GRK7: variants seen among roughly 807,000 people sequenced by gnomAD.
GRK7 encodes the protein G protein-coupled receptor kinase 7.
In GRK7, 24 loss-of-function variants were observed where a neutral mutation model predicts 34.1. The observed-to-expected ratio is 0.70, with a 90% CI of 0.51 to 0.99. GRK7 has a LOEUF of 0.99. Ranked by LOEUF, GRK7 falls within the 50% of genes least tolerant of loss-of-function variation. The probability of loss-of-function intolerance (pLI) is 0.00; values close to 1 mark genes in which losing one functional copy is unlikely to be tolerated. For synonymous variants in GRK7, 256 were observed against 279.4 expected (o/e 0.92, Z 0.84); for missense variants, 644 against 707.3 (o/e 0.91, Z 1.02).
upstream of GRK7, among the ~76,000 whole-genome samples, chr3:141,763,030 A>G (rs961138748): frequency 2.6e-5 from 4 of 152,072 alleles, no homozygotes; most frequent in African/African-American, 9.7e-5. Context: ...ACTGTCTGGC[A>G]CTCCCTAGTG....
rs1164869228 is a variant in GRK7, at chr3:141,765,283, G to A, written c.-670G>A. Among the ~76,000 whole-genome samples, 2 of 152,132 alleles carry A rather than the reference G, an allele frequency of 1.3e-5. No individual in the cohort carries two copies. The highest frequency in any genetic ancestry group is 1.3e-4 in the Admixed American group (2 of 15,274). ...GTGCTCTACCCTCAGGCAGTCACATGGCTCACGCCCTTACCTTCAGGAGGT... is the reference window on the plus strand; with the variant it reads ...GTGCTCTACCCTCAGGCAGTCACATAGCTCACGCCCTTACCTTCAGGAGGT... On this transcript the variant is annotated 5_prime_UTR_variant, in exon 1 of 6. An upstream start codon of the reference 5' UTR is lost. Transcript: ENST00000682958.
In GRK7 at chr3:141,816,881, A is replaced by C; in HGVS notation, c.1493A>C (p.Asp498Ala). 1 of 1,614,126 alleles carries C rather than the reference A, an allele frequency of 6.2e-7. No individual in the cohort carries two copies. Among genetic ancestry groups the C allele is most frequent in the Non-Finnish European group, 8.5e-7 (1 of 1,180,024 alleles). ...TCTGAGGTTCGGGGGGTGGAATTTGATGACAAAGATAAGCAGTTCTTCAAA... is the reference window on the plus strand; with the variant it reads ...TCTGAGGTTCGGGGGGTGGAATTTGCTGACAAAGATAAGCAGTTCTTCAAA... ...DFSEVRGVEF[D>A]DKDKQFFKNF... is the part of the protein sequence containing the mutation. Residue 498 changes from aspartate to alanine, a missense_variant, in exon 6 of 6, where the codon GAT (aspartate) becomes GCT (alanine). Transcript: ENST00000682958.
chr3:141,796,809 C>A (rs1253589159), intron 4 of GRK7, among the ~76,000 whole-genome samples: 1 of 152,206 alleles, frequency 6.6e-6, no homozygotes, highest in Non-Finnish European at 1.5e-5. Flanking sequence ...ATGTGCCAGG[C>A]CCTGCCTTTC....
chr3:141,799,173 A>G (rs1306058873), intron 4 of GRK7, among the ~76,000 whole-genome samples: 1 of 152,230 alleles, frequency 6.6e-6, no homozygotes, highest in Non-Finnish European at 1.5e-5. Context: ...CAAGAATGCT[A>G]AAGATCAAGG....
At chr3:141,767,490 C>T (rs1174879850) in intron 1 of GRK7, among the ~76,000 whole-genome samples, 4 of 152,126 alleles carry the variant, frequency 2.6e-5, no homozygotes, top group African/African-American at 7.2e-5. Flanking sequence ...CAGCCTCCAG[C>T]CCCCAGCTCA....
At chr3:141,788,967 AC>A (rs1164374394) in intron 4 of GRK7, among the ~76,000 whole-genome samples, 1 of 152,136 alleles carries the variant, frequency 6.6e-6, no homozygotes, top group Non-Finnish European at 1.5e-5. Context: ...TTCAAGCGCC[AC>A]CATGCCTGGC....
chr3:141,779,658 C>T (rs1308644987), intron 3 of GRK7, among the ~76,000 whole-genome samples: 3 of 152,164 alleles, frequency 2.0e-5, no homozygotes, highest in Non-Finnish European at 4.4e-5. Flanking sequence ...ACTCTCATCA[C>T]CCCTGTGCCC....
At chr3:141,784,418 CCAGGGGACCAT>C (rs2084686318) in intron 4 of GRK7, among the ~76,000 whole-genome samples, 1 of 152,102 alleles carries the variant, frequency 6.6e-6, no homozygotes, top group South Asian at 2.1e-4. Context: ...CCACGGAAGC[CCAGGGGACCAT>C]CAGGAAGGGT....
At chr3:141,775,982 C>T (rs1456250822) in intron 2 of GRK7, among the ~76,000 whole-genome samples, 3 of 152,056 alleles carry the variant, frequency 2.0e-5, no homozygotes, top group African/African-American at 2.4e-5. Flanking sequence ...CAGTGATAAG[C>T]TTAAATATCT....
intron 4 of GRK7, among the ~76,000 whole-genome samples, chr3:141,802,631 A>G (rs540704530): frequency 5.8e-4 from 89 of 152,314 alleles, no homozygotes; most frequent in African/African-American, 2.1e-3. Context: ...TGTCAGCAGC[A>G]TATCCAGGCT....
chr3:141,789,669 A>AAAAAAAAAAAAAAAAC (rs1559843417), intron 4 of GRK7, among the ~76,000 whole-genome samples: 2 of 151,798 alleles, frequency 1.3e-5, no homozygotes, highest in African/African-American at 4.8e-5. Context: ...AAAAAAAAAA[A>AAAAAAAAAAAAAAAAC]ACACAAAACA....
At chr3:141,797,706 C>T (rs1418013144) in intron 4 of GRK7, among the ~76,000 whole-genome samples, 1 of 152,070 alleles carries the variant, frequency 6.6e-6, no homozygotes, top group Non-Finnish European at 1.5e-5. Context: ...CTGGGCCGCG[C>T]CGGGATCGCG....
intron 2 of GRK7, among the ~76,000 whole-genome samples, chr3:141,777,442 A>G (rs1485213604): frequency 5.0e-5 from 7 of 139,990 alleles, no homozygotes; most frequent in African/African-American, 1.9e-4. Context: ...CTCCTGCCTC[A>G]GCCTCCCGAG....
At chr3:141,806,503 C>T (rs903151566) in intron 4 of GRK7, among the ~76,000 whole-genome samples, 1 of 152,028 alleles carries the variant, frequency 6.6e-6, no homozygotes, top group African/African-American at 2.4e-5. Flanking sequence ...GTAGAGGTTG[C>T]AGTGAGCTGA....
intron 4 of GRK7, among the ~76,000 whole-genome samples, chr3:141,805,007 C>T (rs1049574316): frequency 1.3e-5 from 2 of 151,344 alleles, no homozygotes; most frequent in Non-Finnish European, 2.9e-5. Flanking sequence ...TACACTCACA[C>T]ACACTCATAC....
At chr3:141,809,335 T>C (rs1019274351) in intron 5 of GRK7, among the ~76,000 whole-genome samples, 2 of 152,176 alleles carry the variant, frequency 1.3e-5, no homozygotes, top group Non-Finnish European at 2.9e-5. Context: ...CTTCAAAAAA[T>C]ATTTATGATA....
intron 4 of GRK7, among the ~76,000 whole-genome samples, chr3:141,803,116 C>T (rs1192577935): frequency 6.6e-6 from 1 of 152,036 alleles, no homozygotes; most frequent in Non-Finnish European, 1.5e-5. Flanking sequence ...AATTTAACTA[C>T]TATAAAAACC....
the GRK7 span, among the ~76,000 whole-genome samples, chr3:141,750,765 T>C: frequency 5.6e-5 from 4 of 71,204 alleles, no homozygotes; most frequent in African/African-American, 1.4e-4. Flanking sequence ...GTTTATAACC[T>C]TTTTTTTTTT....
chr3:141,774,049 T>C (rs1260497146), intron 1 of GRK7, among the ~76,000 whole-genome samples: 1 of 152,240 alleles, frequency 6.6e-6, no homozygotes, highest in Admixed American at 6.5e-5. Flanking sequence ...CTGCTTCTAA[T>C]ATAAGAATTC....
Sources: allele counts gnomAD v4.1 joint callset (sites outside exome capture counted in the v4.1 genomes callset), GRCh38; gene constraint gnomAD v4.1.1; transcripts MANE v1.5; gene names NCBI Gene and HGNC (gene_info 2026-07-23, HGNC 2026-07-21).